CREG1: variants seen among roughly 807,000 people sequenced by gnomAD.
CREG1 encodes cellular repressor of E1A stimulated genes 1, also known as protein CREG1.
CREG1 carries 20 observed loss-of-function variants against 19.9 expected under a neutral mutation model. The observed-to-expected ratio is 1.01, with a 90% confidence interval of 0.71 to 1.46. The LOEUF (loss-of-function observed/expected upper bound fraction) is 1.46. Among genes scored for constraint, CREG1 ranks in the 40% most tolerant of loss-of-function variants. The pLI, the probability that CREG1 is intolerant of heterozygous loss-of-function variation, is 0.00. For missense variants in CREG1, 290 were observed against 314.9 expected, an observed-to-expected ratio of 0.92 and a Z score of 0.60; for synonymous variants, 141 against 143.3, an observed-to-expected ratio of 0.98 and a Z score of 0.12.
At position 167,551,024 on chromosome 1, in the gene CREG1, A is replaced by ACC. The variant is rs1656415030; in HGVS notation, c.354+2362_354+2363dup. ...AAGAGGTCTTGGTGCAAATAATCAA[A>ACC]CCCCAAGATTTCCCTTCAGACTCAC... On this transcript the variant is annotated intron_variant, in intron 1 of 3. Coordinates refer to ENST00000370509, the MANE Select transcript of CREG1 (RefSeq NM_003851.3). Among the ~76,000 whole-genome samples, 3 of 152,248 alleles carry ACC rather than the reference A, an allele frequency of 2.0e-5. No individual in the cohort carries two copies. In the South Asian group the frequency reaches 6.2e-4, roughly 32 times the overall value.
chr1:167,548,203 G>T, intron 1 of CREG1, 82 bp from the exon 2 acceptor site: 1 of 1,123,126 alleles, frequency 8.9e-7, no homozygotes, highest in South Asian at 1.4e-5. Context: ...CATACATGAT[G>T]TCCCTAGAGC....
chr1:167,550,610 T>G (rs1418853447), intron 1 of CREG1, among the ~76,000 whole-genome samples: 2 of 152,176 alleles, frequency 1.3e-5, no homozygotes. Flanking sequence ...CTGGGTTTAC[T>G]GAGAAAACAA....
chr1:167,542,679 G>A (rs1258507431), intron 3 of CREG1, among the ~76,000 whole-genome samples: 2 of 152,208 alleles, frequency 1.3e-5, no homozygotes, highest in African/African-American at 4.8e-5. Context: ...AACAGAAGGG[G>A]TCCTGAACAT....
intron 3 of CREG1, 82 bp from the exon 4 acceptor site, chr1:167,542,383 A>G: frequency 1.5e-6 from 2 of 1,334,870 alleles, no homozygotes; most frequent in South Asian, 2.6e-5. Flanking sequence ...GGGAAGGACT[A>G]GATAAAATTT....
chr1:167,544,812 A>G (rs1033242134), intron 3 of CREG1, among the ~76,000 whole-genome samples: 10 of 152,234 alleles, frequency 6.6e-5, no homozygotes, highest in African/African-American at 1.9e-4. Flanking sequence ...GAGTTAATAC[A>G]TGAAAAGTAG....
At chr1:167,548,714 A>G (rs1656373478) in intron 1 of CREG1, among the ~76,000 whole-genome samples, 1 of 152,246 alleles carries the variant, frequency 6.6e-6, no homozygotes. Context: ...AATCAACTTC[A>G]TAAAAGGCAC....
chr1:167,553,328 G>C (rs561147116), intron 1 of CREG1, 60 bp downstream of exon 1: 2 of 1,227,456 alleles, frequency 1.6e-6, no homozygotes, highest in South Asian at 1.9e-5. Flanking sequence ...GAGAGTGAAG[G>C]CTCGCTCTGT....
At chr1:167,547,455 T>G (rs1656348301) in intron 2 of CREG1, among the ~76,000 whole-genome samples, 1 of 152,230 alleles carries the variant, frequency 6.6e-6, no homozygotes, top group Admixed American at 6.5e-5. Context: ...GCTTCATAGT[T>G]GTTACATCTG....
At chr1:167,545,321 G>A (rs1656298162) in intron 3 of CREG1, among the ~76,000 whole-genome samples, 1 of 152,042 alleles carries the variant, frequency 6.6e-6, no homozygotes, top group Non-Finnish European at 1.5e-5. Context: ...AGGGGTCTGC[G>A]AACTTGGCTC....
Position 167,553,455 on chromosome 1 carries a change from G to T in CREG1, c.287C>A (p.Pro96Gln). 1 of 1,480,260 alleles carries T rather than the reference G, an allele frequency of 6.8e-7. No individual in the cohort carries two copies. The highest frequency in any genetic ancestry group is 8.9e-7 in the Non-Finnish European group (1 of 1,122,376). The allele number at this position is 1,480,260 out of a possible 1,614,324, so 91.7% of individuals were successfully genotyped here. A position where few individuals can be genotyped will look rare whatever the true frequency, so the allele number is the denominator to read the frequency against. ...ATAGGGCACGCCGCTGCCCGCGCCC[G>T]GGGGCCCGTCGCTGAGCGAGAGGAC... ...ADVLSLSDGP[P>Q]GAGSGVPYFY... Residue 96 changes from proline (P) to glutamine (Q), a missense_variant, in exon 1 of 4, where the codon CCG becomes CAG. By Grantham distance (76) the Pro-to-Gln change is moderately conservative (BLOSUM62 -1). Transcript: ENST00000370509.
chr1:167,542,479 A>C (rs1175677135), intron 3 of CREG1, among the ~76,000 whole-genome samples, 178 bp from the exon 4 acceptor site: 1 of 152,192 alleles, frequency 6.6e-6, no homozygotes, highest in African/African-American at 2.4e-5. Context: ...CAGACTCCTG[A>C]GTTTCGGTTT....
In CREG1 at chr1:167,546,377, T is replaced by C. The variant is rs751441487; in HGVS notation, c.475-92A>G. The C allele has an allele frequency of 7.0e-5, 60 of 856,038 alleles. 1 individual carries two copies. The highest frequency in any genetic ancestry group is 3.1e-4 in the Middle Eastern group (1 of 3,180). The allele number at this position is 856,038 out of a possible 1,614,324, so 53.0% of individuals were successfully genotyped here. A position where few individuals can be genotyped will look rare whatever the true frequency, so the allele number is the denominator to read the frequency against. On this transcript the variant is annotated intron_variant, in intron 2 of 3. Transcript: ENST00000370509. ...TGTGTGATTAGGCCGGGTGCAGTGGTTCACGCCTGTAATCCCAGCACTTTG... is the reference window on the plus strand; with the variant it reads ...TGTGTGATTAGGCCGGGTGCAGTGGCTCACGCCTGTAATCCCAGCACTTTG...
chr1:167,553,265 A>T, intron 1 of CREG1, 123 bp downstream of exon 1: 1 of 763,294 alleles, frequency 1.3e-6, no homozygotes, highest in Non-Finnish European at 1.9e-6. Flanking sequence ...CCTGCGCGGC[A>T]GAGAAGCAAC....
chr1:167,546,003 G>A (rs1656311051), intron 3 of CREG1, 98 bp downstream of exon 3: 1 of 957,326 alleles, frequency 1.0e-6, no homozygotes. Context: ...TGCCCAGGGT[G>A]TCCAGGGCAC....
intron 1 of CREG1, among the ~76,000 whole-genome samples, chr1:167,551,048 A>C (rs561942873): frequency 1.3e-5 from 2 of 152,362 alleles, no homozygotes; most frequent in African/African-American, 4.8e-5. Context: ...CTTCAGACTC[A>C]CTGGCTCTGC....
chr1:167,553,316 G>C, intron 1 of CREG1, 72 bp downstream of exon 1: 1 of 1,148,746 alleles, frequency 8.7e-7, no homozygotes, highest in South Asian at 2.1e-5. Flanking sequence ...AAGAATTCTG[G>C]GGAGAGTGAA....
intron 3 of CREG1, among the ~76,000 whole-genome samples, chr1:167,543,804 TC>T (rs1281328501): frequency 4.6e-5 from 7 of 151,046 alleles, no homozygotes; most frequent in Non-Finnish European, 1.0e-4. Context: ...GGGCCGCCTC[TC>T]AGGACAAGGG....
chr1:167,549,381 T>A (rs1190328597), intron 1 of CREG1, among the ~76,000 whole-genome samples: 1 of 31,364 alleles, frequency 3.2e-5, no homozygotes, highest in Non-Finnish European at 5.6e-5. Context: ...ATAACTGCAA[T>A]TTTTTTTTGT....
At chr1:167,543,273 C>T (rs967943500) in intron 3 of CREG1, among the ~76,000 whole-genome samples, 1 of 151,950 alleles carries the variant, frequency 6.6e-6, no homozygotes, top group Admixed American at 6.6e-5. Context: ...ACTGCTTATT[C>T]CAGGGTGCCA....
Sources: gnomAD v4.1 joint callset for allele counts (sites outside exome capture counted in the v4.1 genomes callset) on GRCh38, gnomAD v4.1.1 for gene constraint, MANE v1.5 for transcripts, NCBI Gene and HGNC (gene_info 2026-07-23, HGNC 2026-07-21) for gene names.